The following FGFR1OP2 variants were observed in gnomAD, a reference collection of about 807,000 sequenced individuals.
FGFR1OP2 encodes fibroblast growth factor receptor 1 oncogene partner 2.
Under a neutral mutation model 35.2 loss-of-function variants are expected in FGFR1OP2, and 17 were observed. The ratio of observed to expected loss-of-function variants is 0.48; its 90% CI spans 0.33 to 0.73. FGFR1OP2 has a LOEUF of 0.73. Among genes scored for constraint, FGFR1OP2 ranks in the 30% least tolerant of loss-of-function variants. The pLI is 0.02. For missense variants in FGFR1OP2, 251 were observed against 307.3 expected (o/e 0.82, Z 1.37); for synonymous variants, 105 against 104.6 (o/e 1.00, Z -0.03).
intron 1 of FGFR1OP2, among the ~76,000 whole-genome samples, chr12:26,947,553 T>A (rs2136350478): frequency 6.6e-6 from 1 of 152,266 alleles, no homozygotes; most frequent in Non-Finnish European, 1.5e-5. Flanking sequence ...AGCTAATTTT[T>A]AAATTTTTTG....
intron 5 of FGFR1OP2, chr12:26,960,924 C>A (rs1298561090): frequency 1.6e-5 from 3 of 192,044 alleles, no homozygotes; most frequent in African/African-American, 2.3e-5. Flanking sequence ...CAGTCATTTC[C>A]TTTCTGGACA....
intron 1 of FGFR1OP2, among the ~76,000 whole-genome samples, chr12:26,946,647 T>G (rs1424434537): frequency 1.3e-5 from 2 of 152,224 alleles, no homozygotes; most frequent in Non-Finnish European, 2.9e-5. Flanking sequence ...AGCTCTTTTC[T>G]TAAATATAAC....
At chr12:26,943,505 C>T (rs1365845566) in intron 1 of FGFR1OP2, among the ~76,000 whole-genome samples, 1 of 152,032 alleles carries the variant, frequency 6.6e-6, no homozygotes, top group Non-Finnish European at 1.5e-5. Flanking sequence ...CTGGAAATTG[C>T]ACTGTTTGTA....
chr12:26,957,299 A>T (rs376902084), intron 3 of FGFR1OP2, among the ~76,000 whole-genome samples: 2 of 152,244 alleles, frequency 1.3e-5, no homozygotes, highest in East Asian at 3.9e-4. Context: ...TCTGCCACCT[A>T]CCACATGCTT....
intron 3 of FGFR1OP2, 23 bp downstream of exon 3, chr12:26,956,683 A>G: frequency 7.2e-7 from 1 of 1,383,982 alleles, no homozygotes; most frequent in East Asian, 2.5e-5. Flanking sequence ...ACTTTTTGAC[A>G]TTAATCCCAT....
chr12:26,941,747 C>T (rs1335219189), intron 1 of FGFR1OP2, among the ~76,000 whole-genome samples: 1 of 152,132 alleles, frequency 6.6e-6, no homozygotes, highest in Non-Finnish European at 1.5e-5. Context: ...TTTTTTTATT[C>T]TTTAAAATCT....
intron 3 of FGFR1OP2, among the ~76,000 whole-genome samples, chr12:26,957,236 C>T (rs1012008315): frequency 1.3e-5 from 2 of 152,126 alleles, no homozygotes; most frequent in African/African-American, 4.8e-5. Context: ...ACAAAGCTTC[C>T]ACCAGTTTCT....
rs765384389 is a variant in FGFR1OP2, at chr12:26,954,016, T to C, written c.-14-129T>C. 49 of 587,098 alleles carry C rather than the reference T, an allele frequency of 8.3e-5. 1 individual carries two copies. The highest frequency in any genetic ancestry group is 1.1e-4 in the Non-Finnish European group (41 of 369,924). The allele number at this position is 587,098 out of a possible 1,614,324, so 36.4% of individuals were successfully genotyped here. On this transcript the variant is annotated intron_variant, in intron 1 of 6. Transcript: ENST00000229395. ...CAAAACCACAGTGTTCTTAGGTGTT[T>C]TTTCCTCCCTGGACAGTGAACAATA...
At chr12:26,949,650 C>G (rs1938885011) in intron 1 of FGFR1OP2, among the ~76,000 whole-genome samples, 1 of 152,072 alleles carries the variant, frequency 6.6e-6, no homozygotes, top group African/African-American at 2.4e-5. Flanking sequence ...GCGATCTTGG[C>G]TCGCTGCAAC....
At chr12:26,941,309 C>T (rs1938730783) in intron 1 of FGFR1OP2, among the ~76,000 whole-genome samples, 1 of 152,078 alleles carries the variant, frequency 6.6e-6, no homozygotes, top group South Asian at 2.1e-4. Flanking sequence ...CCTCCCACTC[C>T]ACTTCCTGGC....
chr12:26,963,070 A>G (rs1422398757), intron 5 of FGFR1OP2: 2 of 256,608 alleles, frequency 7.8e-6, no homozygotes, highest in Non-Finnish European at 1.5e-5. Flanking sequence ...GTTGCTGATC[A>G]TTGTGGTGAG....
At chr12:26,941,064 G>A (rs1241619710) in intron 1 of FGFR1OP2, among the ~76,000 whole-genome samples, 2 of 151,642 alleles carry the variant, frequency 1.3e-5, no homozygotes, top group Non-Finnish European at 2.9e-5. Flanking sequence ...TGGTAAAGTG[G>A]GCGAGAATGT....
intron 1 of FGFR1OP2, among the ~76,000 whole-genome samples, chr12:26,941,699 A>G (rs1045366289): frequency 6.6e-6 from 1 of 152,246 alleles, no homozygotes; most frequent in Admixed American, 6.5e-5. Flanking sequence ...CCTAATTAAA[A>G]TGGTTGCTAG....
At chr12:26,962,102 G>A (rs977555607) in intron 5 of FGFR1OP2, 1 of 152,192 alleles carries the variant, frequency 6.6e-6, no homozygotes, top group Non-Finnish European at 1.5e-5. Context: ...CACTTGCAGT[G>A]TCACTAATGC....
At chr12:26,949,199 G>A (rs774145618) in intron 1 of FGFR1OP2, among the ~76,000 whole-genome samples, 3 of 152,010 alleles carry the variant, frequency 2.0e-5, no homozygotes, top group Non-Finnish European at 2.9e-5. Flanking sequence ...GCAATGGCGC[G>A]ATCTCAGCTC....
At position 26,956,656 on chromosome 12, in the gene FGFR1OP2, C is replaced by T. The variant is rs749495970; in HGVS notation, c.249C>T (p.Asn83=). Residue 83 remains asparagine (N), a synonymous_variant, in exon 3 of 7, where the codon AAC becomes AAT. Coordinates refer to ENST00000229395, the MANE Select transcript of FGFR1OP2 (RefSeq NM_015633.3). ...NRQIRELQQE[N]KELRTSLEEH... is the part of the protein sequence containing the mutation. ...AAATCAGAGAGTTGCAACAAGAAAACAAAGGTAAGATACGTTACTTTTTGA... is the reference window on the plus strand; with the variant it reads ...AAATCAGAGAGTTGCAACAAGAAAATAAAGGTAAGATACGTTACTTTTTGA... 2.5e-6 allele frequency: 4 copies of T among 1,570,920 alleles called. No homozygotes were observed. The Admixed American group carries it at 5.4e-5, about 21-fold the overall frequency.
intron 1 of FGFR1OP2, among the ~76,000 whole-genome samples, chr12:26,953,304 T>A (rs1348746021): frequency 1.6e-5 from 2 of 124,456 alleles, no homozygotes; most frequent in Non-Finnish European, 3.4e-5. Flanking sequence ...GATAAAAGAT[T>A]TCAAGGAGGG....
At chr12:26,959,267 T>C (rs1241037914) in intron 4 of FGFR1OP2, among the ~76,000 whole-genome samples, 2 of 152,118 alleles carry the variant, frequency 1.3e-5, no homozygotes, top group Non-Finnish European at 2.9e-5. Flanking sequence ...AGTGGTGATC[T>C]TTTGAATACA....
chr12:26,938,661 G>A lies in FGFR1OP2; in HGVS notation c.-64G>A, dbSNP rs905300110. ...GTGCATAGGTCCCGGTTGGTAGAGG[G>A]TTTGAGTCCGCATCGCCACAGCTGA... On this transcript the variant is annotated 5_prime_UTR_variant, in exon 1 of 7. Coordinates refer to ENST00000229395, the MANE Select transcript of FGFR1OP2 (RefSeq NM_015633.3). The A allele has an allele frequency of 6.6e-6, 1 of 152,504 alleles. No homozygotes were observed. The highest frequency in any genetic ancestry group is 2.4e-5 in the African/African-American group (1 of 41,452). The allele number at this position is 152,504 out of a possible 1,614,324, so 9.4% of individuals were successfully genotyped here.
Sources: gnomAD v4.1 joint callset for allele counts (sites outside exome capture counted in the v4.1 genomes callset) on GRCh38, gnomAD v4.1.1 for gene constraint, MANE v1.5 for transcripts, NCBI Gene and HGNC (gene_info 2026-07-23, HGNC 2026-07-21) for gene names.